FAM153A: variants seen among roughly 807,000 people sequenced by gnomAD.
The protein encoded by FAM153A is protein FAM153A.
In FAM153A, 12 loss-of-function variants were observed where a neutral mutation model predicts 48.1. The ratio of observed to expected loss-of-function variants is 0.25; its 90% CI spans 0.16 to 0.40. The LOEUF (loss-of-function observed/expected upper bound fraction) is 0.40. Ranked by LOEUF, FAM153A falls within the 10% of genes least tolerant of loss-of-function variation. The pLI, the probability that FAM153A is intolerant of heterozygous loss-of-function variation, is 1.00. For synonymous variants in FAM153A, 36 were observed against 118.2 expected, an observed-to-expected ratio of 0.30 and a Z score of 4.51; for missense variants, 111 against 345.8, an observed-to-expected ratio of 0.32 and a Z score of 5.38.
chr5:177,708,402 T>A (rs1758045770), downstream of FAM153A, among the ~76,000 whole-genome samples: 1 of 151,460 alleles, frequency 6.6e-6, no homozygotes, highest in Non-Finnish European at 1.5e-5. Context: ...ATGGAGAAAC[T>A]CTGTCTCTAC....
upstream of FAM153A, among the ~76,000 whole-genome samples, chr5:177,753,946 G>A (rs1320533686): frequency 6.6e-6 from 1 of 151,918 alleles, no homozygotes; most frequent in Non-Finnish European, 1.5e-5. Context: ...ATTTCCAACT[G>A]AGGTATCAGG....
chr5:177,697,761 CTTCT>C, the FAM153A span, among the ~76,000 whole-genome samples: 6 of 151,720 alleles, frequency 4.0e-5, 1 homozygote, highest in African/African-American at 1.2e-4. Flanking sequence ...TAGAATGTAC[CTTCT>C]TTTGACAAGA....
intron 1 of FAM153A, among the ~76,000 whole-genome samples, chr5:177,766,544 T>G (rs183392340): frequency 0.035 from 2,959 of 84,198 alleles, 170 homozygotes; most frequent in Middle Eastern, 0.13. Context: ...TATTATGGAA[T>G]TAAGCAGAAA....
chr5:177,761,314 T>A (rs1382707367), intron 1 of FAM153A, among the ~76,000 whole-genome samples: 3 of 151,674 alleles, frequency 2.0e-5, no homozygotes, highest in Non-Finnish European at 4.4e-5. Context: ...ACAATCAATT[T>A]TTTTTTTTCC....
At chr5:177,702,364 A>G in the FAM153A span, among the ~76,000 whole-genome samples, 2 of 151,890 alleles carry the variant, frequency 1.3e-5, no homozygotes, top group Non-Finnish European at 2.9e-5. Flanking sequence ...GATGTGACCC[A>G]GTTGCTTCTA....
At chr5:177,750,605 CTT>C (rs1766742538) in intron 2 of FAM153A, among the ~76,000 whole-genome samples, 1 of 138,826 alleles carries the variant, frequency 7.2e-6, no homozygotes, top group African/African-American at 2.8e-5. Context: ...ATGTCCATTA[CTT>C]TACAAACCTG....
rs1769401030 is a variant in FAM153A, at chr5:177,778,392, T to C, written c.-57+2057A>G. ...TGATGATTGACAATATGTTCTACAA[T>C]ATGAATGTTTCTAGAAAAAAAAAAA... On this transcript the variant is annotated intron_variant, in intron 1 of 8. Coordinates refer to the FAM153A transcript ENST00000393518. Among the ~76,000 whole-genome samples, 2 of 87,468 alleles carry C rather than the reference T, an allele frequency of 2.3e-5. 1 individual carries two copies. Among genetic ancestry groups the C allele is most frequent in the Non-Finnish European group, 4.5e-5 (2 of 44,262 alleles). The allele number at this position is 87,468 out of a possible 152,430, so 57.4% of individuals were successfully genotyped here.
intron 1 of FAM153A, among the ~76,000 whole-genome samples, chr5:177,764,263 A>G (rs1158392935): frequency 1.3e-5 from 2 of 150,750 alleles, no homozygotes; most frequent in East Asian, 3.9e-4. Flanking sequence ...GCCTATGAAC[A>G]GCTGGCTGGG....
downstream of FAM153A, among the ~76,000 whole-genome samples, chr5:177,710,325 T>A (rs1182769305): frequency 1.3e-5 from 2 of 151,390 alleles, no homozygotes; most frequent in Admixed American, 6.6e-5. Context: ...TTGGCCAGGC[T>A]GGTCTTGAAC....
At chr5:177,783,000 C>G (rs1769832248), upstream of FAM153A, 1 of 95,230 alleles carries the variant, frequency 1.1e-5, no homozygotes, top group African/African-American at 4.1e-5. Flanking sequence ...TAGCCCGCCC[C>G]GCTCCTCCTT....
chr5:177,708,815 C>T (rs1582108677), downstream of FAM153A, among the ~76,000 whole-genome samples: 1 of 151,366 alleles, frequency 6.6e-6, no homozygotes, highest in African/African-American at 2.4e-5. Flanking sequence ...TAGTCTTGGA[C>T]CGGGCTCAGT....
chr5:177,716,048 A>G (rs865936177), intron 25 of FAM153A, among the ~76,000 whole-genome samples: 3 of 150,880 alleles, frequency 2.0e-5, no homozygotes, highest in South Asian at 2.1e-4. Context: ...CAGTGGCGCA[A>G]TCTTAGCTCA....
downstream of FAM153A, among the ~76,000 whole-genome samples, chr5:177,705,422 CCCAGAA>C (rs1236353194): frequency 3.4e-5 from 5 of 147,866 alleles, no homozygotes; most frequent in Admixed American, 1.4e-4. Flanking sequence ...CTGAGGCCTT[CCCAGAA>C]GCAGAAGCTG....
chr5:177,739,192 A>G (rs1765174271), intron 9 of FAM153A, 55 bp from the exon 12 acceptor site: 1 of 1,587,368 alleles, frequency 6.3e-7, no homozygotes, highest in East Asian at 2.2e-5. Context: ...GTCTCTGTGC[A>G]CAGGTCTTTT....
At chr5:177,712,204 G>A (rs534239600) in exon 27 of FAM153A, 1 of 151,880 alleles carries the variant, frequency 6.6e-6, no homozygotes, top group Non-Finnish European at 1.5e-5. Context: ...AGTTGCGGTG[G>A]CTCGTACCTT....
intron 10 of FAM153A, among the ~76,000 whole-genome samples, chr5:177,738,074 G>A (rs1360542451): frequency 6.6e-6 from 1 of 151,240 alleles, no homozygotes; most frequent in Non-Finnish European, 1.5e-5. Flanking sequence ...CCAGCATTAG[G>A]ACAGCCCATC....
downstream of FAM153A, among the ~76,000 whole-genome samples, chr5:177,705,354 G>C (rs2936909): frequency 0.097 from 10,835 of 111,886 alleles, 427 homozygotes; most frequent in East Asian, 0.26. Flanking sequence ...CTTCCTTCTG[G>C]TTTCACCATG....
chr5:177,776,598 G>T (rs75934749), intron 1 of FAM153A, among the ~76,000 whole-genome samples: 1 of 81,408 alleles, frequency 1.2e-5, no homozygotes, highest in Non-Finnish European at 2.4e-5. Context: ...CACTGCTCAA[G>T]GAAATAAAAG....
intron 1 of FAM153A, among the ~76,000 whole-genome samples, chr5:177,761,422 C>T (rs1311092277): frequency 3.9e-5 from 6 of 152,180 alleles, no homozygotes; most frequent in African/African-American, 1.4e-4. Flanking sequence ...GGCTCCAGAG[C>T]CCTCCCCTGG....
Sources: allele counts gnomAD v4.1 joint callset (sites outside exome capture counted in the v4.1 genomes callset), GRCh38; gene constraint gnomAD v4.1.1; transcripts MANE v1.5; gene names NCBI Gene and HGNC (gene_info 2026-07-23, HGNC 2026-07-21).